IGSF1: variants seen among roughly 807,000 people sequenced by gnomAD.
The protein encoded by IGSF1 is immunoglobulin-like domain-containing protein 1.
Under a neutral mutation model 95.3 loss-of-function variants are expected in IGSF1, and 40 were observed. That is an observed-to-expected ratio of 0.42 (90% CI 0.33 to 0.55). The LOEUF (loss-of-function observed/expected upper bound fraction) is 0.55, where lower values mean the gene tolerates loss of function less well. Ranked by LOEUF, IGSF1 falls within the 20% of genes least tolerant of loss-of-function variation. The pLI, the probability that IGSF1 is intolerant of heterozygous loss-of-function variation, is 0.10. For missense variants in IGSF1, 906 were observed against 1,025.4 expected (o/e 0.88, Z 1.59); for synonymous variants, 372 against 382.9 (o/e 0.97, Z 0.33).
intron 9 of IGSF1, 67 bp from the exon 10 acceptor site, chrX:131,279,408 G>A (rs1241324398): frequency 1.2e-5 from 11 of 884,524 alleles, no homozygotes; most frequent in South Asian, 4.0e-5. Context: ...GAAAGGGGGC[G>A]GCAATTTATG....
Position 131,278,474 on chromosome X carries a change from C to T in IGSF1, c.2028G>A (p.Glu676=). 8.3e-7 allele frequency: 1 copy of T among 1,200,545 alleles called. No individual in the cohort carries two copies. Among genetic ancestry groups the T allele is most frequent in the Non-Finnish European group, 1.1e-6 (1 of 888,905 alleles). ...MAVSEPSEAL[E]LVGTDILPKP... is the part of the protein sequence containing the mutation. ...ACATTTTCTTACCTGTCCCCACCAG[C>T]TCAAGTGCCTCACTGGGCTCCGATA... Residue 676 remains glutamate (E), a synonymous_variant, in exon 12 of 20, where the codon GAG becomes GAA. Transcript: ENST00000361420.
chrX:131,279,610 C>A (rs751676658), intron 9 of IGSF1, among the ~76,000 whole-genome samples: 54 of 108,460 alleles, frequency 5.0e-4, no homozygotes, highest in Non-Finnish European at 9.4e-4. Flanking sequence ...TCCCCATGGC[C>A]CCTGATTAGG....
chrX:131,285,910 C>T lies in IGSF1; in HGVS notation c.236G>A (p.Trp79Ter). Residue 79 changes from tryptophan to a stop codon, truncating the protein, a stop_gained, in exon 4 of 20, where the codon TGG becomes TAG. Coordinates refer to ENST00000361420, the MANE Select transcript of IGSF1 (RefSeq NM_001555.5). LOFTEE classifies it high-confidence loss of function. Reference protein sequence around the residue: ...LLLKDKTQMTWIRPSHKTFQV... With the variant: ...LLLKDKTQMT Reference sequence around the variant, plus strand: ...GAAGGTCTTGTGGGAAGGGCGGATCCAGGTCATCTGTGTCTTATCCTTCAG... The same window carrying T: ...GAAGGTCTTGTGGGAAGGGCGGATCTAGGTCATCTGTGTCTTATCCTTCAG... 1 of 1,211,586 alleles carries T rather than the reference C, an allele frequency of 8.3e-7. No individual in the cohort carries two copies. The highest frequency in any genetic ancestry group is 1.1e-6 in the Non-Finnish European group (1 of 895,458).
At chrX:131,287,755 T>A (rs1374590330) in intron 1 of IGSF1, among the ~76,000 whole-genome samples, 1 of 111,239 alleles carries the variant, frequency 9.0e-6, no homozygotes, top group Non-Finnish European at 1.9e-5. Flanking sequence ...CAAGGTAGAC[T>A]CTTGAGCTTT....
Position 131,282,481 on chromosome X carries a change from C to A in IGSF1, c.1209G>T (p.Arg403Ser). The A allele has an allele frequency of 8.3e-7, 1 of 1,209,331 alleles. No individual in the cohort carries two copies. Among genetic ancestry groups the A allele is most frequent in the Non-Finnish European group, 1.1e-6 (1 of 893,236 alleles). ...GCTCCACAGTGTTGTGTGATGGCAT[C>A]CTAATGGAGGTCTTCCAGGTGAGAA... ...HYLLTWKTSI[R>S]MPSHNTVELM... The change falls in exon 7 of 20, where the codon AGG (arginine) becomes AGT (serine). Residue 403 changes from arginine to serine, a missense_variant. Arg to Ser is a moderately radical substitution (Grantham distance 110, BLOSUM62 -1). Around this residue, in one of 5 missense-constraint regions of IGSF1, gnomAD observed 442 missense variants for 448.1 expected, o/e 0.99. Transcript: ENST00000361420.
chrX:131,287,806 A>G (rs1159329388), intron 1 of IGSF1, among the ~76,000 whole-genome samples: 1 of 111,382 alleles, frequency 9.0e-6, no homozygotes, highest in Non-Finnish European at 1.9e-5. Flanking sequence ...CCTTTCACCA[A>G]GGGAAGGTAT....
At chrX:131,285,585 C>T (rs140323580) in intron 4 of IGSF1, 119 bp from the exon 5 acceptor site, 9,989 of 867,545 alleles carry the variant, frequency 0.012, 54 homozygotes, top group Non-Finnish European at 0.013. Context: ...TGCCACCCCT[C>T]CTTCTCCTAT....
chrX:131,286,075 A>G, intron 3 of IGSF1, 27 bp from the exon 4 acceptor site: 1 of 1,153,311 alleles, frequency 8.7e-7, no homozygotes, highest in South Asian at 2.0e-5. Flanking sequence ...TCAAAAAGAT[A>G]TGAGCAGTCC....
Position 131,277,191 on chromosome X carries a change from T to C in IGSF1, c.2356A>G (p.Ser786Gly). The C allele has an allele frequency of 8.3e-7, 1 of 1,209,846 alleles. No individual in the cohort carries two copies. Among genetic ancestry groups the C allele is most frequent in the South Asian group, 1.8e-5 (1 of 56,683 alleles). The stretch of plus-strand genomic sequence containing the variant: ...CGGGCACCAGGGGTGACCACAGGGC[T>C]GGCCCATGTCTTGAAGAAGGGCTTA... ...YPKPFFKTWA[S>G]PVVTPGARVT... Residue 786 changes from serine to glycine, a missense_variant, in exon 14 of 20, where the codon AGC becomes GGC. Coordinates refer to ENST00000361420, the MANE Select transcript of IGSF1 (RefSeq NM_001555.5).
chrX:131,278,829 C>T, intron 11 of IGSF1, 78 bp from the exon 12 acceptor site: 2 of 926,691 alleles, frequency 2.2e-6, no homozygotes, highest in South Asian at 2.3e-5. Flanking sequence ...ACCCTCTACC[C>T]AGATCACACT....
chrX:131,287,179 A>ATT (rs770482735), intron 1 of IGSF1, among the ~76,000 whole-genome samples: 1 of 67,158 alleles, frequency 1.5e-5, no homozygotes, highest in Admixed American at 1.5e-4. Context: ...GTGTGTGTGT[A>ATT]TATATATATA....
rs2080581074 is a variant in IGSF1 at position 131,282,757 on chromosome X, A to G, written c.953-20T>C. ...AAGTGTCTAGGATGAGACCCAGAAT[A>G]AAAAGCACTAGTGATTTCACTTCCT... is the stretch of plus-strand genomic sequence containing the variant. On this transcript the variant is annotated intron_variant, in intron 6 of 19. Transcript: ENST00000361420. The G allele has an allele frequency of 8.6e-7, 1 of 1,165,283 alleles. No individual in the cohort carries two copies.
At chrX:131,285,588 TCTC>T (rs2080623466) in intron 4 of IGSF1, 122 bp from the exon 5 acceptor site, 9 of 849,880 alleles carry the variant, frequency 1.1e-5, no homozygotes, top group Non-Finnish European at 1.5e-5. Context: ...CACCCCTCCT[TCTC>T]CTATCTCTGC....
chrX:131,280,110 C>T (rs975665887), intron 9 of IGSF1, among the ~76,000 whole-genome samples: 2 of 110,844 alleles, frequency 1.8e-5, no homozygotes, highest in African/African-American at 6.6e-5. Context: ...TTCTTTGATG[C>T]AGTGTTGCTG....
rs2080566632 is a variant in IGSF1, at chrX:131,281,892, T to C, written c.1299A>G (p.Leu433=). Residue 433 remains leucine, a synonymous_variant, in exon 8 of 20, where the codon CTA becomes CTG. Transcript: ENST00000361420. The stretch of plus-strand genomic sequence containing the variant: ...GGCACTGAAGGGTGATGGCCTTTCC[T>C]AGCTTGAACACAGTGCTTGGCCAAG... ...LSAWPSTVFK[L]GKAITLQCRV... 1.7e-6 allele frequency: 2 copies of C among 1,210,579 alleles called. No individual in the cohort carries two copies. Among genetic ancestry groups the C allele is most frequent in the South Asian group, 3.5e-5 (2 of 56,923 alleles).
intron 7 of IGSF1, 49 bp downstream of exon 7, chrX:131,282,395 G>T: frequency 9.3e-7 from 1 of 1,073,202 alleles, no homozygotes; most frequent in Non-Finnish European, 1.3e-6. Context: ...ACACCACAAT[G>T]ATGATAAAAA....
In IGSF1 at chrX:131,275,247, G is replaced by A. The variant is rs151092429; in HGVS notation, c.3224C>T (p.Pro1075Leu). The change falls in exon 17 of 20, where the codon CCC (proline) becomes CTC (leucine). Residue 1075 changes from proline to leucine, a missense_variant. Pro to Leu is a moderately conservative substitution (Grantham distance 98). Coordinates refer to ENST00000361420, the MANE Select transcript of IGSF1 (RefSeq NM_001555.5). ...CATATTTTCGCCAGGGGCCACCATG[G>A]GACCAGGCTGGGCTAATAGGCTGGG... ...PKPSLLAQPG[P>L]MVAPGENMTL... is the part of the protein sequence containing the mutation. The A allele has an allele frequency of 1.4e-5, 17 of 1,209,678 alleles. No individual in the cohort carries two copies. In the African/African-American group the frequency reaches 3.0e-4, roughly 21 times the overall value.
Position 131,283,167 on chromosome X carries a change from C to T in IGSF1, c.765G>A (p.Met255Ile). The T allele has an allele frequency of 8.3e-7, 1 of 1,209,430 alleles. No homozygotes were observed. Among genetic ancestry groups the T allele is most frequent in the Non-Finnish European group, 1.1e-6 (1 of 893,139 alleles). Residue 255 changes from methionine to isoleucine, a missense_variant, in exon 6 of 20, where the codon ATG becomes ATA. By Grantham distance (10) the Met-to-Ile change is conservative. Coordinates refer to ENST00000361420, the MANE Select transcript of IGSF1 (RefSeq NM_001555.5). ...CTTCAACCCTCATTAGAGCAAAGGTCATTCCATAGATTGGCCCTTGGCACC... is the reference window on the plus strand; with the variant it reads ...CTTCAACCCTCATTAGAGCAAAGGTTATTCCATAGATTGGCCCTTGGCACC... ...NLRCQGPIYG[M>I]TFALMRVEDL... is the part of the protein sequence containing the mutation.
At chrX:131,280,247 T>C (rs2080537471) in intron 9 of IGSF1, among the ~76,000 whole-genome samples, 1 of 111,138 alleles carries the variant, frequency 9.0e-6, no homozygotes, top group Non-Finnish European at 1.9e-5. Flanking sequence ...CTGCTGAAAC[T>C]TTTTGAAAAC....
Sources: allele counts gnomAD v4.1 joint callset (sites outside exome capture counted in the v4.1 genomes callset), GRCh38; gene constraint gnomAD v4.1.1; regional missense constraint gnomAD v4.1.1; transcripts MANE v1.5; gene names NCBI Gene and HGNC (gene_info 2026-07-23, HGNC 2026-07-21).